Variants in TAX1BP1 observed in about 807,000 individuals in gnomAD.
The protein encoded by TAX1BP1 is Tax1 binding protein 1.
In TAX1BP1, 62 loss-of-function variants were observed where a neutral mutation model predicts 97.7. The observed-to-expected ratio is 0.63, with a 90% confidence interval of 0.52 to 0.78. The LOEUF (loss-of-function observed/expected upper bound fraction) is 0.78, where lower values mean the gene tolerates loss of function less well. Ranked by LOEUF, TAX1BP1 falls within the 30% of genes least tolerant of loss-of-function variation. TAX1BP1 has a pLI of 0.00. For missense variants in TAX1BP1, 867 were observed against 916.1 expected, an observed-to-expected ratio of 0.95 and a Z score of 0.69; for synonymous variants, 340 against 304.2, an observed-to-expected ratio of 1.12 and a Z score of -1.23.
At chr7:27,809,927 A>G (rs939782089) in intron 13 of TAX1BP1, among the ~76,000 whole-genome samples, 1 of 149,508 alleles carries the variant, frequency 6.7e-6, no homozygotes, top group Admixed American at 6.7e-5. Context: ...TTTTTGGGAG[A>G]CGGAGAATCT....
At chr7:27,741,026 G>T (rs1787574363) in intron 1 of TAX1BP1, among the ~76,000 whole-genome samples, 1 of 152,238 alleles carries the variant, frequency 6.6e-6, no homozygotes, top group African/African-American at 2.4e-5. Flanking sequence ...GCGTCTGTGT[G>T]GGTGTGTGTA....
chr7:27,766,959 T>C (rs944677276), intron 4 of TAX1BP1, among the ~76,000 whole-genome samples: 3 of 152,194 alleles, frequency 2.0e-5, no homozygotes, highest in African/African-American at 7.2e-5. Flanking sequence ...TATTTACTCC[T>C]TACTGTTTTT....
intron 12 of TAX1BP1, among the ~76,000 whole-genome samples, chr7:27,799,721 G>A (rs764743104): frequency 1.3e-5 from 2 of 152,022 alleles, no homozygotes; most frequent in Admixed American, 6.6e-5. Flanking sequence ...TTCAATTAAT[G>A]TATCTTAACA....
chr7:27,772,077 A>G (rs1476006427), intron 5 of TAX1BP1: 2 of 151,978 alleles, frequency 1.3e-5, no homozygotes, highest in African/African-American at 2.4e-5. Context: ...TGTGGTGACA[A>G]TTGTTTATTT....
intron 13 of TAX1BP1, among the ~76,000 whole-genome samples, chr7:27,806,035 C>T (rs1359916910): frequency 1.3e-5 from 2 of 151,916 alleles, no homozygotes; most frequent in African/African-American, 2.4e-5. Flanking sequence ...TTCCCTACAC[C>T]CAGGTTATAG....
At chr7:27,796,049 T>A (rs1789920048) in intron 11 of TAX1BP1, 67 bp from the exon 12 acceptor site, 4 of 1,211,250 alleles carry the variant, frequency 3.3e-6, no homozygotes, top group Non-Finnish European at 3.6e-6. Flanking sequence ...TTTAAGTTAT[T>A]CTGAACAGGA....
At chr7:27,814,355 G>C (rs1790681222) in intron 13 of TAX1BP1, among the ~76,000 whole-genome samples, 1 of 152,028 alleles carries the variant, frequency 6.6e-6, no homozygotes, top group South Asian at 2.1e-4. Context: ...GGCTATTACA[G>C]GACCTTTGTG....
At chr7:27,795,480 C>A (rs530452336) in intron 11 of TAX1BP1, among the ~76,000 whole-genome samples, 1 of 152,010 alleles carries the variant, frequency 6.6e-6, no homozygotes, top group African/African-American at 2.4e-5. Flanking sequence ...TATGGTTTTC[C>A]TACTTACCCT....
chr7:27,764,237 GT>G (rs1788535948), intron 3 of TAX1BP1, among the ~76,000 whole-genome samples: 2 of 152,124 alleles, frequency 1.3e-5, no homozygotes, highest in African/African-American at 4.8e-5. Flanking sequence ...CTTAGATCCA[GT>G]CTTTAATTCC....
At chr7:27,750,069 G>C (rs1787966063) in intron 2 of TAX1BP1, among the ~76,000 whole-genome samples, 1 of 152,162 alleles carries the variant, frequency 6.6e-6, no homozygotes, top group Non-Finnish European at 1.5e-5. Flanking sequence ...GGGATTACAG[G>C]TGTGAGCCAC....
intron 12 of TAX1BP1, among the ~76,000 whole-genome samples, chr7:27,796,520 T>A (rs1789939886): frequency 6.6e-6 from 1 of 152,226 alleles, no homozygotes; most frequent in Admixed American, 6.5e-5. Context: ...CGTATAAAGA[T>A]GCATGAAAAA....
Position 27,820,135 on chromosome 7 carries a change from A to G in TAX1BP1, c.2085+3097A>G, listed in dbSNP as rs190954477. ...TGCCTAACCCCAATCATTCAAGGCC[A>G]GATTATTATCTCTTCCCTTAATTCA... is the stretch of plus-strand genomic sequence containing the variant. On this transcript the variant is annotated intron_variant, in intron 15 of 16. Transcript: ENST00000396319. Among the ~76,000 whole-genome samples the G allele has an allele frequency of 1.6e-3, 245 of 152,380 alleles. 1 individual carries two copies. The highest frequency in any genetic ancestry group is 2.6e-3 in the Non-Finnish European group (175 of 68,040).
At chr7:27,820,167 A>T (rs1322648677) in intron 15 of TAX1BP1, among the ~76,000 whole-genome samples, 2 of 152,136 alleles carry the variant, frequency 1.3e-5, no homozygotes, top group African/African-American at 4.8e-5. Context: ...TTCATATCTT[A>T]CTTTCTAGTT....
intron 2 of TAX1BP1, among the ~76,000 whole-genome samples, chr7:27,753,570 G>A (rs920882905): frequency 6.6e-6 from 1 of 152,106 alleles, no homozygotes; most frequent in Non-Finnish European, 1.5e-5. Flanking sequence ...TATTTACACT[G>A]TACTTTTCTG....
At chr7:27,803,674 C>T (rs2128321244) in intron 13 of TAX1BP1, among the ~76,000 whole-genome samples, 1 of 151,426 alleles carries the variant, frequency 6.6e-6, no homozygotes, top group African/African-American at 2.5e-5. Flanking sequence ...ACCATGTGCT[C>T]ACAGTAGAGA....
At chr7:27,810,599 C>T (rs188666490) in intron 13 of TAX1BP1, among the ~76,000 whole-genome samples, 35 of 152,204 alleles carry the variant, frequency 2.3e-4, no homozygotes, top group African/African-American at 8.2e-4. Context: ...AACCTGAAGG[C>T]CCATTGTAAA....
chr7:27,749,764 AT>A (rs1484067947), intron 2 of TAX1BP1, among the ~76,000 whole-genome samples: 2 of 152,148 alleles, frequency 1.3e-5, no homozygotes, highest in Non-Finnish European at 2.9e-5. Flanking sequence ...CATTGTAACA[AT>A]TTTATGAAAT....
At chr7:27,825,176 G>A (rs1434032049) in intron 15 of TAX1BP1, among the ~76,000 whole-genome samples, 1 of 150,414 alleles carries the variant, frequency 6.6e-6, no homozygotes, top group Non-Finnish European at 1.5e-5. Flanking sequence ...ATTACTAATA[G>A]TGAAATGCCT....
At chr7:27,817,730 A>C (rs1790831483) in intron 15 of TAX1BP1, among the ~76,000 whole-genome samples, 1 of 152,152 alleles carries the variant, frequency 6.6e-6, no homozygotes, top group Non-Finnish European at 1.5e-5. Flanking sequence ...TTTTGGATAG[A>C]TAATATGTTC....
Sources: allele counts gnomAD v4.1 joint callset (sites outside exome capture counted in the v4.1 genomes callset), GRCh38; gene constraint gnomAD v4.1.1; transcripts MANE v1.5; gene names NCBI Gene and HGNC (gene_info 2026-07-23, HGNC 2026-07-21).